The following DSCAM variants were observed in gnomAD, a reference collection of about 807,000 sequenced individuals.
DSCAM encodes the protein DS cell adhesion molecule.
DSCAM carries 47 observed loss-of-function variants against 217.7 expected under a neutral mutation model. That is an observed-to-expected ratio of 0.22 (90% CI 0.17 to 0.28). The LOEUF is 0.28. DSCAM is among the 10% of genes least tolerant of loss of function. The pLI is 1.00. For synonymous variants in DSCAM, 1,056 were observed against 1,015.3 expected (o/e 1.04, Z -0.76); for missense variants, 2,080 against 2,618.3 (o/e 0.79, Z 4.49).
At chr21:40,672,557 G>A (rs1293406991) in intron 3 of DSCAM, among the ~76,000 whole-genome samples, 3 of 152,204 alleles carry the variant, frequency 2.0e-5, no homozygotes, top group African/African-American at 7.2e-5. Context: ...TAGGAGGCCA[G>A]AGTAGTATAT....
chr21:40,637,356 AATAT>A (rs1319998658), intron 3 of DSCAM, among the ~76,000 whole-genome samples: 1 of 24,880 alleles, frequency 4.0e-5, no homozygotes, highest in Non-Finnish European at 6.3e-5. Flanking sequence ...TATAAATATA[AATAT>A]ATATATAAAT....
At chr21:40,846,247 A>T (rs975627950) in intron 1 of DSCAM, among the ~76,000 whole-genome samples, 3 of 152,096 alleles carry the variant, frequency 2.0e-5, no homozygotes, top group Admixed American at 1.3e-4. Flanking sequence ...TGCACTTGGA[A>T]TGTCACATCC....
At chr21:40,573,469 A>G (rs908413603) in intron 3 of DSCAM, among the ~76,000 whole-genome samples, 60 of 152,212 alleles carry the variant, frequency 3.9e-4, no homozygotes, top group Non-Finnish European at 1.5e-4. Context: ...AAAATAAAAT[A>G]TATTTTGAAT....
chr21:40,622,220 G>T (rs908253786), intron 3 of DSCAM, among the ~76,000 whole-genome samples: 1 of 151,868 alleles, frequency 6.6e-6, no homozygotes, highest in Non-Finnish European at 1.5e-5. Flanking sequence ...TGAAGTCAAC[G>T]TACTTTCCTG....
chr21:40,466,343 A>G (rs2075845163), intron 3 of DSCAM, among the ~76,000 whole-genome samples: 1 of 152,116 alleles, frequency 6.6e-6, no homozygotes, highest in Admixed American at 6.5e-5. Context: ...GAGGCCATCA[A>G]CAGTTCCTAC....
intron 3 of DSCAM, among the ~76,000 whole-genome samples, chr21:40,497,434 T>C (rs1313578965): frequency 6.7e-6 from 1 of 149,148 alleles, no homozygotes; most frequent in East Asian, 2.0e-4. Flanking sequence ...TTCATAGAAG[T>C]AGTGAGTAGA....
intron 3 of DSCAM, among the ~76,000 whole-genome samples, chr21:40,450,325 T>C (rs1418260390): frequency 6.6e-6 from 1 of 151,880 alleles, no homozygotes; most frequent in East Asian, 1.9e-4. Context: ...TAAAATGTTC[T>C]AGTCCTGGCT....
chr21:40,187,413 A>G (rs1487198762), intron 13 of DSCAM, among the ~76,000 whole-genome samples, 154 bp from the exon 14 acceptor site: 2 of 152,212 alleles, frequency 1.3e-5, no homozygotes, highest in East Asian at 1.9e-4. Context: ...TCCTAATCAC[A>G]TTTTAGGGAA....
intron 3 of DSCAM, among the ~76,000 whole-genome samples, chr21:40,620,517 A>C (rs948242599): frequency 6.7e-6 from 1 of 150,368 alleles, no homozygotes; most frequent in African/African-American, 2.4e-5. Flanking sequence ...GGAGGAAGGC[A>C]AGCAGGCAGG....
At chr21:40,766,637 C>G (rs2091392604) in intron 1 of DSCAM, among the ~76,000 whole-genome samples, 1 of 115,252 alleles carries the variant, frequency 8.7e-6, no homozygotes, top group Admixed American at 1.1e-4. Flanking sequence ...GTCACCATCA[C>G]TAATGTTTTT....
At chr21:40,207,363 G>A (rs1254924177) in intron 11 of DSCAM, among the ~76,000 whole-genome samples, 1 of 152,186 alleles carries the variant, frequency 6.6e-6, no homozygotes, top group East Asian at 1.9e-4. Context: ...GGGGACTGGG[G>A]TGCTGGCACT....
chr21:40,052,313 T>C (rs574261027), intron 29 of DSCAM, among the ~76,000 whole-genome samples: 1 of 152,152 alleles, frequency 6.6e-6, no homozygotes, highest in African/African-American at 2.4e-5. Flanking sequence ...TTCCTAGGGG[T>C]TGGCTTTGGG....
intron 32 of DSCAM, among the ~76,000 whole-genome samples, chr21:40,022,247 T>A (rs889635960): frequency 6.6e-6 from 1 of 152,176 alleles, no homozygotes; most frequent in Non-Finnish European, 1.5e-5. Flanking sequence ...ATTTTGATTG[T>A]CATAACACAG....
intron 3 of DSCAM, among the ~76,000 whole-genome samples, chr21:40,465,821 T>C (rs1027934264): frequency 1.3e-5 from 2 of 152,130 alleles, no homozygotes; most frequent in Non-Finnish European, 2.9e-5. Flanking sequence ...CTTGAAATAC[T>C]TGAGAAAGCA....
intron 3 of DSCAM, among the ~76,000 whole-genome samples, chr21:40,537,898 C>T (rs1417467910): frequency 6.6e-6 from 1 of 152,196 alleles, no homozygotes; most frequent in Non-Finnish European, 1.5e-5. Context: ...GCTTCCCAAG[C>T]ACCTTTCGCA....
chr21:40,196,534 T>TC (rs1352590669), intron 11 of DSCAM, among the ~76,000 whole-genome samples: 1 of 152,166 alleles, frequency 6.6e-6, no homozygotes, highest in Non-Finnish European at 1.5e-5. Context: ...AATCCGATGA[T>TC]CCCCAAGGTC....
chr21:40,771,347 G>A (rs1366684842), intron 1 of DSCAM, among the ~76,000 whole-genome samples: 1 of 152,210 alleles, frequency 6.6e-6, no homozygotes, highest in South Asian at 2.1e-4. Context: ...TGATTGAAAC[G>A]GATGGAGGAG....
At chr21:40,344,719 C>T (rs2074539403) in intron 6 of DSCAM, among the ~76,000 whole-genome samples, 1 of 152,170 alleles carries the variant, frequency 6.6e-6, no homozygotes. Flanking sequence ...CGGTTTTCAG[C>T]AGCTTAACTC....
chr21:40,336,867 A>T (rs2074434682), intron 8 of DSCAM, among the ~76,000 whole-genome samples: 1 of 152,180 alleles, frequency 6.6e-6, no homozygotes, highest in Non-Finnish European at 1.5e-5. Context: ...CATGAAGCAG[A>T]TGTTCTGTAA....
Sources: gnomAD v4.1 joint callset for allele counts (sites outside exome capture counted in the v4.1 genomes callset) on GRCh38, gnomAD v4.1.1 for gene constraint, MANE v1.5 for transcripts, NCBI Gene and HGNC (gene_info 2026-07-23, HGNC 2026-07-21) for gene names.